The following MTMR7 variants were observed in gnomAD, a reference collection of about 807,000 sequenced individuals.
MTMR7 encodes the protein myotubularin related protein 7.
In MTMR7, 76 loss-of-function variants were observed where a neutral mutation model predicts 81.2. The ratio of observed to expected loss-of-function variants is 0.94; its 90% CI spans 0.78 to 1.13. The LOEUF (loss-of-function observed/expected upper bound fraction) is 1.13, where lower values mean the gene tolerates loss of function less well. Among genes scored for constraint, MTMR7 ranks in the 50% most tolerant of loss-of-function variants. MTMR7 has a pLI of 0.00. For missense variants in MTMR7, 1,044 were observed against 820.0 expected, an observed-to-expected ratio of 1.27 and a Z score of -3.34; for synonymous variants, 372 against 289.8, an observed-to-expected ratio of 1.28 and a Z score of -2.88.
At chr8:17,328,245 G>C (rs77440134) in intron 7 of MTMR7, among the ~76,000 whole-genome samples, 2,417 of 152,118 alleles carry the variant, frequency 0.016, 32 homozygotes, top group Non-Finnish European at 0.026. Flanking sequence ...TGTCCCAGTG[G>C]GGCACACCCT....
chr8:17,403,600 T>C (rs1821490369), intron 1 of MTMR7, among the ~76,000 whole-genome samples: 1 of 152,144 alleles, frequency 6.6e-6, no homozygotes, highest in Non-Finnish European at 1.5e-5. Flanking sequence ...TTTTTTCTAT[T>C]TCTGTCAAGA....
At chr8:17,403,214 T>C (rs144549412) in intron 1 of MTMR7, among the ~76,000 whole-genome samples, 8 of 152,356 alleles carry the variant, frequency 5.3e-5, no homozygotes, top group African/African-American at 1.9e-4. Flanking sequence ...CTTTGCTTTG[T>C]TGGTTGTTTC....
At chr8:17,352,072 G>A (rs879722841) in intron 4 of MTMR7, among the ~76,000 whole-genome samples, 7 of 152,200 alleles carry the variant, frequency 4.6e-5, no homozygotes, top group Non-Finnish European at 8.8e-5. Context: ...AGGGCATTTT[G>A]TGCAGAAGTA....
intron 4 of MTMR7, among the ~76,000 whole-genome samples, chr8:17,358,855 A>C (rs1045195063): frequency 2.0e-5 from 3 of 151,770 alleles, no homozygotes; most frequent in African/African-American, 7.3e-5. Flanking sequence ...CTATATCAAG[A>C]ATTATTCATA....
chr8:17,402,038 T>C (rs2150584259), intron 1 of MTMR7, among the ~76,000 whole-genome samples: 1 of 152,310 alleles, frequency 6.6e-6, no homozygotes, highest in African/African-American at 2.4e-5. Flanking sequence ...TAGTCTGATA[T>C]AAACAAGACA....
intron 1 of MTMR7, among the ~76,000 whole-genome samples, chr8:17,390,465 G>A (rs982026535): frequency 6.6e-6 from 1 of 152,152 alleles, no homozygotes; most frequent in Non-Finnish European, 1.5e-5. Flanking sequence ...TAACATTGGG[G>A]ATTACAATTT....
chr8:17,327,446 A>T (rs971321439), intron 7 of MTMR7, among the ~76,000 whole-genome samples: 1 of 146,420 alleles, frequency 6.8e-6, no homozygotes, highest in African/African-American at 2.6e-5. Context: ...GATTTTTTTT[A>T]TTTTTTAAAT....
chr8:17,350,656 T>C (rs1819703580), intron 4 of MTMR7, among the ~76,000 whole-genome samples: 3 of 152,252 alleles, frequency 2.0e-5, no homozygotes, highest in Non-Finnish European at 2.9e-5. Flanking sequence ...CCACCCACCT[T>C]TATCACTCTG....
chr8:17,336,907 A>G (rs545134652), intron 6 of MTMR7, among the ~76,000 whole-genome samples: 1 of 152,220 alleles, frequency 6.6e-6, no homozygotes, highest in African/African-American at 2.4e-5. Flanking sequence ...GGTCAAACGG[A>G]GCGAGTGTGG....
At chr8:17,413,195 C>G (rs1316368305) in intron 1 of MTMR7, 74 bp downstream of exon 1, 4 of 1,511,040 alleles carry the variant, frequency 2.6e-6, no homozygotes, top group East Asian at 2.5e-5. Context: ...GTCGGCCTCC[C>G]GCGCGCTCAG....
At chr8:17,400,441 T>G (rs908340134) in intron 1 of MTMR7, among the ~76,000 whole-genome samples, 6 of 152,114 alleles carry the variant, frequency 3.9e-5, no homozygotes, top group African/African-American at 1.4e-4. Flanking sequence ...CATTTTGCGT[T>G]TTGATGTTGA....
At chr8:17,320,824 C>T (rs1007039753) in intron 7 of MTMR7, among the ~76,000 whole-genome samples, 2 of 152,210 alleles carry the variant, frequency 1.3e-5, no homozygotes, top group African/African-American at 4.8e-5. Flanking sequence ...AATTCCAGCA[C>T]CCTCCATGAG....
At chr8:17,350,472 C>G (rs536312456) in intron 4 of MTMR7, among the ~76,000 whole-genome samples, 19 of 152,280 alleles carry the variant, frequency 1.2e-4, no homozygotes, top group African/African-American at 3.9e-4. Context: ...GACTTATTCA[C>G]TATCATGAGA....
chr8:17,388,533 A>G (rs1253226015), intron 1 of MTMR7, among the ~76,000 whole-genome samples: 1 of 152,234 alleles, frequency 6.6e-6, no homozygotes, highest in Non-Finnish European at 1.5e-5. Context: ...TCAGAGGCTC[A>G]TTTGATTATG....
chr8:17,323,460 G>C (rs1424095726), intron 7 of MTMR7, among the ~76,000 whole-genome samples: 7 of 152,154 alleles, frequency 4.6e-5, no homozygotes, highest in South Asian at 4.2e-4. Context: ...ATCTAACAGG[G>C]AACTCCAAGC....
intron 6 of MTMR7, among the ~76,000 whole-genome samples, chr8:17,336,444 G>C (rs1487780237): frequency 6.6e-6 from 1 of 152,030 alleles, no homozygotes; most frequent in Admixed American, 6.6e-5. Context: ...TTGCTGCCAT[G>C]ACGGCCACCA....
At chr8:17,349,354 T>C (rs1017800178) in intron 4 of MTMR7, 1 of 286,956 alleles carries the variant, frequency 3.5e-6, no homozygotes, top group African/African-American at 2.1e-5. Context: ...GCAAGACCAG[T>C]GACAATGAAG....
intron 1 of MTMR7, among the ~76,000 whole-genome samples, chr8:17,392,185 A>C (rs1235571523): frequency 6.6e-6 from 1 of 152,210 alleles, no homozygotes; most frequent in Non-Finnish European, 1.5e-5. Flanking sequence ...ATAAGCTTTA[A>C]ATAAGGATGA....
intron 7 of MTMR7, chr8:17,326,484 T>C (rs1352444816): frequency 6.6e-6 from 1 of 152,214 alleles, no homozygotes; most frequent in Non-Finnish European, 1.5e-5. Context: ...GAGCTTGTCT[T>C]ACATCAGAAT....
Sources: gnomAD v4.1 joint callset for allele counts (sites outside exome capture counted in the v4.1 genomes callset) on GRCh38, gnomAD v4.1.1 for gene constraint, MANE v1.5 for transcripts, NCBI Gene and HGNC (gene_info 2026-07-23, HGNC 2026-07-21) for gene names.